ASCC1: variants seen among roughly 807,000 people sequenced by gnomAD.
ASCC1 encodes ASC-1 complex subunit P50.
A neutral mutation model predicts 46.6 loss-of-function variants in ASCC1; 35 were observed. The observed-to-expected ratio is 0.75, with a 90% CI of 0.57 to 0.99. The LOEUF (loss-of-function observed/expected upper bound fraction) is 0.99. Ranked by LOEUF, ASCC1 falls within the 50% of genes least tolerant of loss-of-function variation. The pLI is 0.00. For synonymous variants in ASCC1, 143 were observed against 146.6 expected, an observed-to-expected ratio of 0.98 and a Z score of 0.18; for missense variants, 376 against 428.7, an observed-to-expected ratio of 0.88 and a Z score of 1.09.
intron 9 of ASCC1, among the ~76,000 whole-genome samples, chr10:72,105,456 C>T (rs1842244219): frequency 6.6e-6 from 1 of 152,202 alleles, no homozygotes; most frequent in African/African-American, 2.4e-5. Context: ...AATGGGGCAC[C>T]CCCGTCACAA....
At chr10:72,140,633 T>C (rs1488663662) in intron 7 of ASCC1, among the ~76,000 whole-genome samples, 2 of 152,186 alleles carry the variant, frequency 1.3e-5, no homozygotes, top group Non-Finnish European at 2.9e-5. Context: ...AGACAATGAC[T>C]CTCGGTATTT....
intron 5 of ASCC1, among the ~76,000 whole-genome samples, chr10:72,189,321 TG>T (rs1854022961): frequency 6.6e-6 from 1 of 150,768 alleles, no homozygotes; most frequent in Admixed American, 6.6e-5. Context: ...GGCAGGAGAA[TG>T]GCGCAAACCT....
At chr10:72,131,589 AAT>A (rs1446830297) in intron 8 of ASCC1, among the ~76,000 whole-genome samples, 3 of 152,142 alleles carry the variant, frequency 2.0e-5, no homozygotes, top group Non-Finnish European at 4.4e-5. Flanking sequence ...TCAAAAGTAA[AAT>A]AGAGATTTAT....
intron 7 of ASCC1, among the ~76,000 whole-genome samples, chr10:72,146,181 A>C (rs1847604526): frequency 6.6e-6 from 1 of 152,222 alleles, no homozygotes; most frequent in Non-Finnish European, 1.5e-5. Flanking sequence ...CAGCCCTGGC[A>C]TCTCAATCAC....
intron 5 of ASCC1, among the ~76,000 whole-genome samples, chr10:72,170,873 T>G (rs1850993576): frequency 6.6e-6 from 1 of 152,082 alleles, no homozygotes; most frequent in Non-Finnish European, 1.5e-5. Flanking sequence ...GACACAGTGG[T>G]GCACGCCTAT....
intron 5 of ASCC1, among the ~76,000 whole-genome samples, chr10:72,161,972 C>G (rs1849749723): frequency 6.6e-6 from 1 of 151,674 alleles, no homozygotes; most frequent in Admixed American, 6.6e-5. Flanking sequence ...ACATGGACGA[C>G]AAAAGAAAAA....
chr10:72,141,035 T>TGA (rs1564636101), intron 7 of ASCC1, among the ~76,000 whole-genome samples: 205 of 109,214 alleles, frequency 1.9e-3, no homozygotes, highest in Non-Finnish European at 2.5e-3. Context: ...ATCAAATTGT[T>TGA]TATAGATAGA....
intron 5 of ASCC1, among the ~76,000 whole-genome samples, chr10:72,179,497 G>C (rs950209278): frequency 1.3e-5 from 2 of 152,136 alleles, no homozygotes; most frequent in South Asian, 2.1e-4. Context: ...CTTTTCCTCA[G>C]TGACCCCTAG....
chr10:72,101,786 G>A (rs1435166313), intron 9 of ASCC1, among the ~76,000 whole-genome samples: 1 of 152,118 alleles, frequency 6.6e-6, no homozygotes, highest in African/African-American at 2.4e-5. Flanking sequence ...GAAAAAAAAG[G>A]AGACCATGGT....
intron 5 of ASCC1, among the ~76,000 whole-genome samples, chr10:72,183,586 T>C (rs181884068): frequency 4.6e-4 from 70 of 151,692 alleles, no homozygotes; most frequent in African/African-American, 1.6e-3. Context: ...GAGGTGGAGG[T>C]TGCAGTAAGC....
At chr10:72,108,076 C>CTTTTTCT (rs1842543433) in intron 9 of ASCC1, among the ~76,000 whole-genome samples, 2 of 128,366 alleles carry the variant, frequency 1.6e-5, no homozygotes, top group South Asian at 5.0e-4. Flanking sequence ...TTTTCTTTTT[C>CTTTTTCT]TTTTTTTTTT....
Position 72,203,614 on chromosome 10 carries a change from A to G in ASCC1, c.213-90T>C, listed in dbSNP as rs561943037. 2.1e-5 allele frequency: 20 copies of G among 953,122 alleles called. No individual in the cohort carries two copies. The African/African-American group carries it at 2.6e-4, about 12-fold the overall frequency. The allele number at this position is 953,122 out of a possible 1,614,324, so 59.0% of individuals were successfully genotyped here. On this transcript the variant is annotated intron_variant, in intron 3 of 9. Transcript: ENST00000672957. ...GTTTAAATCCTTTGTGACAAGAGAT[A>G]CTCCCTTACAGAAAAGTAGTTCAGT...
chr10:72,122,669 T>G (rs1249629581), intron 9 of ASCC1, among the ~76,000 whole-genome samples: 1 of 151,408 alleles, frequency 6.6e-6, no homozygotes, highest in African/African-American at 2.4e-5. Context: ...TCTCAGCTAC[T>G]TGGGAGGCTG....
intron 5 of ASCC1, among the ~76,000 whole-genome samples, chr10:72,195,718 T>C (rs750328252): frequency 1.4e-4 from 22 of 151,888 alleles, no homozygotes; most frequent in Middle Eastern, 6.8e-3. Context: ...CCTGTAATCC[T>C]AGCTACTCAG....
At position 72,211,374 on chromosome 10, in the gene ASCC1, T is replaced by C. The variant is rs369348263; in HGVS notation, c.113-543A>G. ...ATCTGTGGATTCAACCAACTGCAGATTGAAAATATTTGAAAAAAAAATCCA... is the reference window on the plus strand; with the variant it reads ...ATCTGTGGATTCAACCAACTGCAGACTGAAAATATTTGAAAAAAAAATCCA... On this transcript the variant is annotated intron_variant, in intron 2 of 9. Transcript: ENST00000672957. Among the ~76,000 whole-genome samples, 26 of 152,194 alleles carry C rather than the reference T, an allele frequency of 1.7e-4. No individual in the cohort carries two copies. The East Asian group carries it at 4.0e-3, about 24-fold the overall frequency.
intron 5 of ASCC1, among the ~76,000 whole-genome samples, chr10:72,176,056 C>T (rs1025956272): frequency 6.6e-6 from 1 of 152,234 alleles, no homozygotes; most frequent in Non-Finnish European, 1.5e-5. Flanking sequence ...CTGCTCCAAA[C>T]ACCTTAAACT....
At chr10:72,099,153 G>C (rs1431351067) in intron 9 of ASCC1, among the ~76,000 whole-genome samples, 1 of 152,234 alleles carries the variant, frequency 6.6e-6, no homozygotes, top group African/African-American at 2.4e-5. Flanking sequence ...TTGTGCCCAT[G>C]TTTTCAAGTA....
At chr10:72,196,758 A>T (rs972405598) in intron 5 of ASCC1, 53 bp downstream of exon 5, 46 of 1,526,210 alleles carry the variant, frequency 3.0e-5, no homozygotes, top group Non-Finnish European at 4.0e-5. Context: ...CCATTTTTGT[A>T]TTCTTTTTAT....
chr10:72,216,654 T>C (rs950867117), upstream of ASCC1, among the ~76,000 whole-genome samples: 1 of 152,130 alleles, frequency 6.6e-6, no homozygotes, highest in Non-Finnish European at 1.5e-5. Flanking sequence ...AATAGGCATA[T>C]ATCTGTTAGA....
Sources: allele counts gnomAD v4.1 joint callset (sites outside exome capture counted in the v4.1 genomes callset), GRCh38; gene constraint gnomAD v4.1.1; transcripts MANE v1.5; gene names NCBI Gene and HGNC (gene_info 2026-07-23, HGNC 2026-07-21).